The following CNTN5 variants were observed in gnomAD, a reference collection of about 807,000 sequenced individuals.
CNTN5 encodes the protein contactin 5.
In CNTN5, 77 loss-of-function variants were observed where a neutral mutation model predicts 129.1. The observed-to-expected ratio is 0.60, with a 90% confidence interval of 0.50 to 0.72. The LOEUF (loss-of-function observed/expected upper bound fraction) is 0.72. Among genes scored for constraint, CNTN5 ranks in the 30% least tolerant of loss-of-function variants. The pLI is 0.00. For synonymous variants in CNTN5, 509 were observed against 465.6 expected (o/e 1.09, Z -1.20); for missense variants, 1,478 against 1,328.8 (o/e 1.11, Z -1.75).
At chr11:99,578,914 T>C (rs182420369) in intron 3 of CNTN5, among the ~76,000 whole-genome samples, 7,904 of 152,200 alleles carry the variant, frequency 0.052, 228 homozygotes, top group Middle Eastern at 0.12. Flanking sequence ...CATGCCTATG[T>C]CCTGAATGGT....
intron 3 of CNTN5, among the ~76,000 whole-genome samples, chr11:99,619,297 G>T (rs669152): frequency 0.45 from 68,387 of 151,798 alleles, 15,814 homozygotes; most frequent in Admixed American, 0.59. Context: ...TTTCACAAAA[G>T]TTTACAAATT....
At position 99,649,137 on chromosome 11, in the gene CNTN5, A is replaced by G. The variant is rs1591421194; in HGVS notation, c.55+92868A>G. Among the ~76,000 whole-genome samples the G allele has an allele frequency of 2.0e-5, 3 of 151,916 alleles. No homozygotes were observed. The South Asian group carries it at 6.2e-4, about 31-fold the overall frequency. On this transcript the variant is annotated intron_variant, in intron 3 of 24. Coordinates refer to ENST00000524871, the MANE Select transcript of CNTN5 (RefSeq NM_014361.4). ...TAATTACTATACATTTTATGTATCA[A>G]AACATCACTGTATGCCCCATAAATA...
chr11:99,942,455 T>G, intron 7 of CNTN5, among the ~76,000 whole-genome samples: 1 of 152,044 alleles, frequency 6.6e-6, no homozygotes, highest in South Asian at 2.1e-4. Flanking sequence ...GTAAGCAAAC[T>G]GGTGCACGAG....
intron 2 of CNTN5, among the ~76,000 whole-genome samples, chr11:99,438,319 C>G (rs932822895): frequency 1.3e-5 from 2 of 152,004 alleles, no homozygotes; most frequent in African/African-American, 4.8e-5. Flanking sequence ...CTATAAGGAA[C>G]TATTCGTCTT....
intron 18 of CNTN5, among the ~76,000 whole-genome samples, chr11:100,289,727 C>G (rs1335575988): frequency 6.0e-5 from 9 of 150,316 alleles, no homozygotes; most frequent in Non-Finnish European, 1.0e-4. Flanking sequence ...TCTCACCACT[C>G]CTATTCAACA....
rs532728372 is a variant in CNTN5 at position 99,839,922 on chromosome 11, C to T, written c.278-4930C>T. 2.8e-4 allele frequency among the ~76,000 whole-genome samples: 43 copies of T among 151,652 alleles called. No individual in the cohort carries two copies. The South Asian group carries it at 9.0e-3, about 32-fold the overall frequency. On this transcript the variant is annotated intron_variant, in intron 4 of 24. Coordinates refer to ENST00000524871, the MANE Select transcript of CNTN5 (RefSeq NM_014361.4). ...CCTAACTGGTATGAGGGGAATAGAG[C>T]AAATGAGAAATAAATTTTCCTGAAA...
At chr11:99,125,504 A>T (rs902457251) in intron 1 of CNTN5, among the ~76,000 whole-genome samples, 1 of 152,180 alleles carries the variant, frequency 6.6e-6, no homozygotes, top group African/African-American at 2.4e-5. Context: ...ATCATACTGA[A>T]TGGGTAAAAG....
intron 2 of CNTN5, among the ~76,000 whole-genome samples, chr11:99,330,403 C>A (rs1865953716): frequency 6.6e-6 from 1 of 152,012 alleles, no homozygotes; most frequent in South Asian, 2.1e-4. Flanking sequence ...ACATTCCTAT[C>A]TATCTGTCAT....
At chr11:100,050,296 T>TA (rs1165991155) in intron 9 of CNTN5, among the ~76,000 whole-genome samples, 1 of 152,064 alleles carries the variant, frequency 6.6e-6, no homozygotes, top group Non-Finnish European at 1.5e-5. Flanking sequence ...AGTGCAGCCA[T>TA]AAAAAATGAT....
In CNTN5 at chr11:99,716,745, A is replaced by T. The variant is rs78862801; in HGVS notation, c.56-102799A>T. Among the ~76,000 whole-genome samples, 821 of 152,254 alleles carry T rather than the reference A, an allele frequency of 5.4e-3. 27 individuals are homozygous for T. The East Asian group carries it at 0.094, about 17-fold the overall frequency. On this transcript the variant is annotated intron_variant, in intron 3 of 24. Transcript: ENST00000524871. ...TATTTTTAAGTAATTTGTTTTAAAT[A>T]GTTTAAGTTCTCTAACTCTAAGGAC...
chr11:99,816,481 G>T (rs927775788), intron 3 of CNTN5, among the ~76,000 whole-genome samples: 1 of 152,100 alleles, frequency 6.6e-6, no homozygotes, highest in Admixed American at 6.6e-5. Flanking sequence ...TCAAGCTCTT[G>T]CCTTTTCCTT....
intron 1 of CNTN5, among the ~76,000 whole-genome samples, chr11:99,235,915 G>A (rs892154451): frequency 2.0e-5 from 3 of 152,312 alleles, no homozygotes; most frequent in Middle Eastern, 3.4e-3. Context: ...GAACCTGGAA[G>A]CTGGCTTCTG....
chr11:100,001,320 C>A (rs184640608), intron 8 of CNTN5, among the ~76,000 whole-genome samples: 1 of 152,122 alleles, frequency 6.6e-6, no homozygotes, highest in Non-Finnish European at 1.5e-5. Flanking sequence ...CTTACTATCA[C>A]GAGAACAGCA....
intron 3 of CNTN5, among the ~76,000 whole-genome samples, chr11:99,769,220 A>G (rs1356586163): frequency 6.6e-6 from 1 of 152,138 alleles, no homozygotes; most frequent in Non-Finnish European, 1.5e-5. Context: ...TGACTGCCTT[A>G]AATTCTGAAG....
At chr11:100,239,122 T>G (rs1949685243) in intron 16 of CNTN5, among the ~76,000 whole-genome samples, 1 of 152,206 alleles carries the variant, frequency 6.6e-6, no homozygotes, top group Non-Finnish European at 1.5e-5. Context: ...GTTGCACATA[T>G]TAACATCTAT....
chr11:99,711,837 T>A (rs183143429), intron 3 of CNTN5, among the ~76,000 whole-genome samples: 1 of 152,118 alleles, frequency 6.6e-6, no homozygotes, highest in South Asian at 2.1e-4. Context: ...CTGCGTAGTA[T>A]CCCATGTTGT....
chr11:100,328,202 A>G (rs975668382), intron 21 of CNTN5, among the ~76,000 whole-genome samples: 4 of 152,026 alleles, frequency 2.6e-5, no homozygotes, highest in Non-Finnish European at 5.9e-5. Flanking sequence ...AAAAAAAATT[A>G]AAAATTAGCT....
At chr11:100,032,892 G>A (rs565667459) in intron 9 of CNTN5, among the ~76,000 whole-genome samples, 25 of 152,126 alleles carry the variant, frequency 1.6e-4, no homozygotes, top group African/African-American at 5.1e-4. Context: ...TCCAGCTTCA[G>A]TTCCATTATT....
At chr11:99,317,377 T>C (rs1865386820) in intron 1 of CNTN5, among the ~76,000 whole-genome samples, 1 of 152,180 alleles carries the variant, frequency 6.6e-6, no homozygotes, top group South Asian at 2.1e-4. Flanking sequence ...TAACTAATAG[T>C]GACAGATGTA....
Sources: allele counts gnomAD v4.1 joint callset (sites outside exome capture counted in the v4.1 genomes callset), GRCh38; gene constraint gnomAD v4.1.1; transcripts MANE v1.5; gene names NCBI Gene and HGNC (gene_info 2026-07-23, HGNC 2026-07-21).